The following SEMA3C variants were observed in gnomAD, a reference collection of about 807,000 sequenced individuals.
SEMA3C encodes semaphorin 3C, also known as semaphorin-3C.
SEMA3C carries 47 observed loss-of-function variants against 89.4 expected under a neutral mutation model. The ratio of observed to expected loss-of-function variants is 0.53; its 90% CI spans 0.42 to 0.67. The LOEUF is 0.67. Among genes scored for constraint, SEMA3C ranks in the 30% least tolerant of loss-of-function variants. SEMA3C has a pLI of 0.00. For missense variants in SEMA3C, 839 were observed against 929.1 expected (o/e 0.90, Z 1.26); for synonymous variants, 310 against 320.2 (o/e 0.97, Z 0.34).
intron 2 of SEMA3C, among the ~76,000 whole-genome samples, chr7:80,857,359 T>C (rs946315821): frequency 2.0e-5 from 3 of 152,124 alleles, no homozygotes; most frequent in Non-Finnish European, 4.4e-5. Context: ...AAATTAATAC[T>C]GTGTAAGAAT....
At chr7:80,751,791 A>G (rs1397574997) in intron 15 of SEMA3C, among the ~76,000 whole-genome samples, 1 of 152,226 alleles carries the variant, frequency 6.6e-6, no homozygotes, top group Non-Finnish European at 1.5e-5. Flanking sequence ...CTGTTTCTAG[A>G]TATATTAAAA....
At chr7:80,802,122 G>A (rs1789223454) in intron 9 of SEMA3C, among the ~76,000 whole-genome samples, 1 of 152,074 alleles carries the variant, frequency 6.6e-6, no homozygotes, top group South Asian at 2.1e-4. Context: ...GAATCAGACT[G>A]TCAGTCCTTA....
At chr7:80,850,086 ATAGT>A (rs1169773982) in intron 2 of SEMA3C, among the ~76,000 whole-genome samples, 1 of 152,198 alleles carries the variant, frequency 6.6e-6, no homozygotes, top group Non-Finnish European at 1.5e-5. Flanking sequence ...ACACTACTCT[ATAGT>A]TACATGACCG....
chr7:80,768,826 G>A lies in SEMA3C; in HGVS notation c.1355-3583C>T, dbSNP rs1471996867. Reference sequence around the variant, plus strand: ...TGTGTGTCAATGACCACAGGCATGTGTGTGCATATACGTTCCTGTTGAATA... The same window carrying A: ...TGTGTGTCAATGACCACAGGCATGTATGTGCATATACGTTCCTGTTGAATA... On this transcript the variant is annotated intron_variant, in intron 12 of 17. Transcript: ENST00000265361. 3.3e-5 allele frequency among the ~76,000 whole-genome samples: 5 copies of A among 152,294 alleles called. No homozygotes were observed. The East Asian group carries it at 9.7e-4, about 29-fold the overall frequency.
chr7:80,835,760 G>A (rs1790111062), intron 2 of SEMA3C, among the ~76,000 whole-genome samples: 1 of 152,120 alleles, frequency 6.6e-6, no homozygotes, highest in African/African-American at 2.4e-5. Context: ...AGCAGCAAGT[G>A]TTCTAGGTGC....
chr7:80,765,119 T>C lies in SEMA3C; in HGVS notation c.1443+36A>G, dbSNP rs768226127. 28 of 1,416,092 alleles carry C rather than the reference T, an allele frequency of 2.0e-5. No homozygotes were observed. In the Middle Eastern group the frequency reaches 8.8e-4, roughly 45 times the overall value. 87.7% of individuals were successfully genotyped at this position (1,416,092 alleles called of 1,614,324 possible). A position where few individuals can be genotyped will look rare whatever the true frequency, so the allele number is the denominator to read the frequency against. On this transcript the variant is annotated intron_variant, in intron 13 of 17. Transcript: ENST00000265361. ...TAAGATTAAAGAATTCCACTCATCA[T>C]GCATGTTCTGAGATTAATAGAAGAG...
intron 2 of SEMA3C, among the ~76,000 whole-genome samples, chr7:80,863,954 ACATG>A (rs1790861750): frequency 7.5e-6 from 1 of 132,772 alleles, no homozygotes; most frequent in African/African-American, 3.2e-5. Context: ...TATGTATATC[ACATG>A]TATATCACAT....
chr7:80,898,235 A>G (rs1791787037), intron 2 of SEMA3C, among the ~76,000 whole-genome samples: 1 of 152,076 alleles, frequency 6.6e-6, no homozygotes, highest in African/African-American at 2.4e-5. Context: ...GCATGGTGGC[A>G]CATGCCTGTA....
rs1353352898 is a variant in SEMA3C at position 80,918,843 on chromosome 7, T to C, written c.-54A>G. On this transcript the variant is annotated 5_prime_UTR_variant, in exon 1 of 18. The change abolishes the stop of an existing upstream ORF in the 5' untranslated region. Transcript: ENST00000265361. ...TTTAGCTTACCGAGGTTGAAAGAAA[T>C]CAGCACGGAAAAGTCATCAGTTTGC... The C allele has an allele frequency of 2.0e-6, 2 of 985,322 alleles. No individual in the cohort carries two copies. Among genetic ancestry groups the C allele is most frequent in the East Asian group, 2.3e-4 (2 of 8,820 alleles). 61.0% of individuals were successfully genotyped at this position (985,322 alleles called of 1,614,324 possible).
intron 2 of SEMA3C, among the ~76,000 whole-genome samples, chr7:80,875,544 T>A (rs1791180460): frequency 6.6e-6 from 1 of 152,006 alleles, no homozygotes; most frequent in Non-Finnish European, 1.5e-5. Context: ...AAATGAAAAA[T>A]TCCAAAAATA....
chr7:80,779,741 G>T (rs1044373742), intron 12 of SEMA3C, among the ~76,000 whole-genome samples: 1 of 152,104 alleles, frequency 6.6e-6, no homozygotes, highest in South Asian at 2.1e-4. Flanking sequence ...GGAACATGTG[G>T]CTTGCTTTTA....
intron 15 of SEMA3C, among the ~76,000 whole-genome samples, chr7:80,755,894 T>C (rs1224980894): frequency 1.3e-5 from 2 of 152,138 alleles, no homozygotes; most frequent in Non-Finnish European, 2.9e-5. Flanking sequence ...TAATGATGTC[T>C]AGAAATTCTA....
upstream of SEMA3C, among the ~76,000 whole-genome samples, chr7:80,920,249 C>G (rs1792382634): frequency 6.6e-6 from 1 of 152,100 alleles, no homozygotes. Flanking sequence ...GTTTAAACAT[C>G]GGGAGAAATG....
rs1314410428 is a variant in SEMA3C at position 80,758,351 on chromosome 7, T to A, written c.1623A>T (p.Arg541Ser). 7 of 1,613,518 alleles carry A rather than the reference T, an allele frequency of 4.3e-6. No homozygotes were observed. The highest frequency in any genetic ancestry group is 3.3e-5 in the Admixed American group (2 of 59,904). Residue 541 changes from arginine to serine, a missense_variant, in exon 15 of 18, where the codon AGA (arginine) becomes AGT (serine). Physicochemically the swap from Arg to Ser is moderately radical, Grantham distance 110 (BLOSUM62 -1). Coordinates refer to ENST00000265361, the MANE Select transcript of SEMA3C (RefSeq NM_006379.5). ...YCAWDGHSCSRFYPTGKRRSR... is the reference protein window; with the variant it reads ...YCAWDGHSCSSFYPTGKRRSR... Reference sequence around the variant, plus strand: ...CTCACCGTTTCCCAGTTGGGTAGAATCTGGAACAGGAATGGCCATCCCAGG... The same window carrying A: ...CTCACCGTTTCCCAGTTGGGTAGAAACTGGAACAGGAATGGCCATCCCAGG...
In SEMA3C at chr7:80,788,275, G is replaced by A. The variant is rs1433814771; in HGVS notation, c.1354+1031C>T. 2.6e-5 allele frequency among the ~76,000 whole-genome samples: 4 copies of A among 152,250 alleles called. No individual in the cohort carries two copies. In the South Asian group the frequency reaches 6.2e-4, roughly 24 times the overall value. On this transcript the variant is annotated intron_variant, in intron 12 of 17. Transcript: ENST00000265361. ...AGTATTTCTAAGATTACAACAAGAC[G>A]TTATTGTAAAGAGTGTTATTGTAAG...
chr7:80,818,245 C>T (rs1476427229), intron 5 of SEMA3C, 54 bp downstream of exon 5: 1 of 1,490,034 alleles, frequency 6.7e-7, no homozygotes, highest in Non-Finnish European at 9.1e-7. Flanking sequence ...AATACAGTTT[C>T]AAAAATCCTT....
rs1198348568 is a variant in SEMA3C, at chr7:80,743,738, G to A, written c.*1156C>T. 4.0e-5 allele frequency: 6 copies of A among 151,800 alleles called. No homozygotes were observed. The highest frequency in any genetic ancestry group is 7.4e-5 in the Non-Finnish European group (5 of 67,818). 9.4% of individuals were successfully genotyped at this position (151,800 alleles called of 1,614,324 possible). A position where few individuals can be genotyped will look rare whatever the true frequency, so the allele number is the denominator to read the frequency against. ...CTTTTACACTTAGAGACCAGTGAAC[G>A]TATGTACCATTACCTTTTGAAAGAC... On this transcript the variant is annotated 3_prime_UTR_variant, in exon 18 of 18. Transcript: ENST00000265361.
At chr7:80,746,330 G>C (rs957675251) in intron 17 of SEMA3C, among the ~76,000 whole-genome samples, 5 of 152,160 alleles carry the variant, frequency 3.3e-5, no homozygotes, top group African/African-American at 1.2e-4. Flanking sequence ...AACTAGAAAA[G>C]AGAGAATCAC....
intron 2 of SEMA3C, among the ~76,000 whole-genome samples, chr7:80,874,883 C>T (rs947444712): frequency 2.6e-5 from 4 of 152,022 alleles, no homozygotes; most frequent in African/African-American, 9.7e-5. Context: ...GAGTTCGAGA[C>T]CAGCCTGACC....
Sources: gnomAD v4.1 joint callset for allele counts (sites outside exome capture counted in the v4.1 genomes callset) on GRCh38, gnomAD v4.1.1 for gene constraint, MANE v1.5 for transcripts, NCBI Gene and HGNC (gene_info 2026-07-23, HGNC 2026-07-21) for gene names.